Variants in KIAA1217 observed in about 807,000 individuals in gnomAD.
The protein encoded by KIAA1217 is sickle tail protein homolog.
KIAA1217 carries 88 observed loss-of-function variants against 163.9 expected under a neutral mutation model. The ratio of observed to expected loss-of-function variants is 0.54; its 90% CI spans 0.45 to 0.64. KIAA1217 has a LOEUF of 0.64. Among genes scored for constraint, KIAA1217 ranks in the 30% least tolerant of loss-of-function variants. The pLI is 0.00. For synonymous variants in KIAA1217, 903 were observed against 923.1 expected, an observed-to-expected ratio of 0.98 and a Z score of 0.39; for missense variants, 2,372 against 2,475.0, an observed-to-expected ratio of 0.96 and a Z score of 0.88.
intron 1 of KIAA1217, among the ~76,000 whole-genome samples, chr10:23,827,811 C>A (rs1837972047): frequency 6.6e-6 from 1 of 152,130 alleles, no homozygotes; most frequent in African/African-American, 2.4e-5. Flanking sequence ...ACATGCAAAG[C>A]CATGACAACA....
intron 2 of KIAA1217, among the ~76,000 whole-genome samples, chr10:24,175,704 G>A (rs2065851304): frequency 6.6e-6 from 1 of 152,076 alleles, no homozygotes; most frequent in South Asian, 2.1e-4. Flanking sequence ...AGATGTGTTT[G>A]GAGTTTCTTC....
chr10:23,883,614 AC>A (rs1479408141), intron 1 of KIAA1217, among the ~76,000 whole-genome samples: 1 of 151,932 alleles, frequency 6.6e-6, no homozygotes, highest in African/African-American at 2.4e-5. Flanking sequence ...AAATCAATGA[AC>A]CTACATTGAC....
At chr10:23,773,614 TTGTTTGTATCC>T (rs1286788765) in intron 1 of KIAA1217, among the ~76,000 whole-genome samples, 7 of 152,232 alleles carry the variant, frequency 4.6e-5, no homozygotes, top group Admixed American at 3.9e-4. Context: ...GTTCTTCCAT[TTGTTTGTATCC>T]TCTTTTATTT....
intron 1 of KIAA1217, among the ~76,000 whole-genome samples, chr10:23,992,758 T>C (rs546285439): frequency 2.5e-4 from 38 of 151,702 alleles, no homozygotes; most frequent in Admixed American, 9.8e-4. Flanking sequence ...CCCCTACAAA[T>C]GCACGAGGAG....
At chr10:23,965,076 C>T (rs1042571585) in intron 1 of KIAA1217, among the ~76,000 whole-genome samples, 2 of 152,202 alleles carry the variant, frequency 1.3e-5, no homozygotes, top group Non-Finnish European at 2.9e-5. Context: ...TGTGGAGTTG[C>T]AGCATTTTAA....
At chr10:23,785,075 A>G (rs919969460) in intron 1 of KIAA1217, among the ~76,000 whole-genome samples, 3 of 152,132 alleles carry the variant, frequency 2.0e-5, no homozygotes, top group Admixed American at 6.5e-5. Context: ...GGGGCTTCTT[A>G]TCATCTTTAA....
intron 1 of KIAA1217, among the ~76,000 whole-genome samples, chr10:23,789,255 C>T (rs1025032427): frequency 6.6e-6 from 1 of 152,046 alleles, no homozygotes; most frequent in Non-Finnish European, 1.5e-5. Context: ...TTTGGTGATT[C>T]AACGTTTGCA....
At chr10:23,776,679 CTT>C (rs34656346) in intron 1 of KIAA1217, among the ~76,000 whole-genome samples, 6 of 117,892 alleles carry the variant, frequency 5.1e-5, no homozygotes, top group Non-Finnish European at 5.3e-5. Flanking sequence ...ACTGTGGGTA[CTT>C]TTTTTTTTTT....
At chr10:24,450,652 G>A (rs1354406366) in intron 5 of KIAA1217, among the ~76,000 whole-genome samples, 2 of 152,156 alleles carry the variant, frequency 1.3e-5, no homozygotes, top group African/African-American at 2.4e-5. Context: ...TACCTGAGAA[G>A]TTGTTATCCA....
At chr10:24,033,732 T>C (rs1421549492) in intron 2 of KIAA1217, among the ~76,000 whole-genome samples, 2 of 152,248 alleles carry the variant, frequency 1.3e-5, no homozygotes, top group Non-Finnish European at 2.9e-5. Flanking sequence ...TGGTTTTAAC[T>C]GGCTGCTACT....
intron 2 of KIAA1217, among the ~76,000 whole-genome samples, chr10:24,021,131 A>T (rs776224630): frequency 2.0e-5 from 3 of 152,008 alleles, no homozygotes; most frequent in African/African-American, 4.8e-5. Context: ...GTAACAGCAC[A>T]AGAGATACAA....
intron 1 of KIAA1217, among the ~76,000 whole-genome samples, chr10:23,768,361 GA>G (rs541896277): frequency 6.6e-6 from 1 of 152,210 alleles, no homozygotes; most frequent in Non-Finnish European, 1.5e-5. Context: ...GCTGTGGAGA[GA>G]AAAAACTATT....
At chr10:23,855,421 G>C (rs531487142) in intron 1 of KIAA1217, among the ~76,000 whole-genome samples, 1 of 152,278 alleles carries the variant, frequency 6.6e-6, no homozygotes, top group African/African-American at 2.4e-5. Context: ...TGGGTAACCC[G>C]ACCTTTCTGT....
intron 2 of KIAA1217, among the ~76,000 whole-genome samples, chr10:24,275,086 C>T (rs1034918573): frequency 5.9e-5 from 9 of 152,234 alleles, no homozygotes; most frequent in Non-Finnish European, 7.4e-5. Flanking sequence ...TACAGGCACA[C>T]GCCACCATGC....
rs115919461 is a variant in KIAA1217 at position 24,507,501 on chromosome 10, A to G, written c.2002-5758A>G. ...ATCCAAGTGGAGCTTTCAAGAGCTGAAAAACAATATCCAAATGTGCTTAAC... is the reference window on the plus strand; with the variant it reads ...ATCCAAGTGGAGCTTTCAAGAGCTGGAAAACAATATCCAAATGTGCTTAAC... On this transcript the variant is annotated intron_variant, in intron 9 of 20. Transcript: ENST00000376454. Among the ~76,000 whole-genome samples the G allele has an allele frequency of 3.7e-3, 563 of 151,046 alleles. 2 individuals are homozygous for G. Among genetic ancestry groups the G allele is most frequent in the African/African-American group, 0.013 (530 of 41,262 alleles).
At chr10:23,882,232 C>A (rs1840981928) in intron 1 of KIAA1217, among the ~76,000 whole-genome samples, 1 of 151,896 alleles carries the variant, frequency 6.6e-6, no homozygotes. Flanking sequence ...ATGTGGGTGG[C>A]AATGTGACAA....
intron 1 of KIAA1217, among the ~76,000 whole-genome samples, chr10:23,830,855 C>T (rs1838159914): frequency 6.6e-6 from 1 of 151,948 alleles, no homozygotes; most frequent in Admixed American, 6.6e-5. Flanking sequence ...CACACTCACT[C>T]ACATATACCT....
intron 3 of KIAA1217, among the ~76,000 whole-genome samples, chr10:24,406,519 A>T (rs904117538): frequency 3.3e-5 from 5 of 152,166 alleles, no homozygotes; most frequent in African/African-American, 1.2e-4. Context: ...AAGAAACCTG[A>T]ACACGCCCCT....
chr10:23,826,489 C>T (rs1386837554), intron 1 of KIAA1217, among the ~76,000 whole-genome samples: 2 of 152,046 alleles, frequency 1.3e-5, no homozygotes, highest in Admixed American at 6.6e-5. Flanking sequence ...GCTAGGAGTT[C>T]GATAAAAGAA....
Sources: gnomAD v4.1 joint callset for allele counts (sites outside exome capture counted in the v4.1 genomes callset) on GRCh38, gnomAD v4.1.1 for gene constraint, MANE v1.5 for transcripts, NCBI Gene and HGNC (gene_info 2026-07-23, HGNC 2026-07-21) for gene names.